Variants in ANKRD18A observed in about 807,000 individuals in gnomAD.
ANKRD18A encodes ankyrin repeat domain 18A, also known as ankyrin repeat domain-containing protein 18A.
ANKRD18A carries 72 observed loss-of-function variants against 110.6 expected under a neutral mutation model. The ratio of observed to expected loss-of-function variants is 0.65; its 90% confidence interval spans 0.54 to 0.79. The LOEUF (loss-of-function observed/expected upper bound fraction) is 0.79. Among genes scored for constraint, ANKRD18A ranks in the 30% least tolerant of loss-of-function variants. The probability of loss-of-function intolerance (pLI) is 0.00; values close to 1 mark genes in which losing one functional copy is unlikely to be tolerated. For missense variants in ANKRD18A, 934 were observed against 1,163.3 expected, an observed-to-expected ratio of 0.80 and a Z score of 2.87; for synonymous variants, 305 against 410.3, an observed-to-expected ratio of 0.74 and a Z score of 3.10.
chr9:38,589,962 A>G (rs1563962438), intron 10 of ANKRD18A, among the ~76,000 whole-genome samples: 1 of 152,180 alleles, frequency 6.6e-6, no homozygotes. Context: ...ATTATAGACA[A>G]TATTCTCAAC....
chr9:38,579,350 C>T lies in ANKRD18A; in HGVS notation c.2248-1202G>A, dbSNP rs192526796. On this transcript the variant is annotated intron_variant, in intron 12 of 15. Coordinates refer to ENST00000399703, the MANE Select transcript of ANKRD18A (RefSeq NM_147195.4). The stretch of plus-strand genomic sequence containing the variant: ...AAATGATAGACAAATGGTACTACAA[C>T]TGAGTGAAGAGAAAACCTGTAGAAT... Among the ~76,000 whole-genome samples the T allele has an allele frequency of 9.6e-3, 1,463 of 152,208 alleles. 18 individuals carry two copies. The highest frequency in any genetic ancestry group is 0.024 in the Middle Eastern group (7 of 294).
downstream of ANKRD18A, among the ~76,000 whole-genome samples, chr9:38,570,690 C>T (rs574701604): frequency 2.6e-5 from 4 of 152,248 alleles, no homozygotes; most frequent in Non-Finnish European, 5.9e-5. Flanking sequence ...ACAATGCCAC[C>T]ATCAGCTCAC....
chr9:38,615,640 G>T lies in ANKRD18A; in HGVS notation c.449C>A (p.Ala150Glu). The T allele has an allele frequency of 6.2e-7, 1 of 1,610,798 alleles. No homozygotes were observed. Among genetic ancestry groups the T allele is most frequent in the Non-Finnish European group, 8.5e-7 (1 of 1,179,240 alleles). Residue 150 changes from alanine (A) to glutamate (E), a missense_variant, in exon 3 of 16, where the codon GCA (alanine) becomes GAA (glutamate). Physicochemically the swap from Ala to Glu is moderately radical, Grantham distance 107. Coordinates refer to ENST00000399703, the MANE Select transcript of ANKRD18A (RefSeq NM_147195.4). ...TGCATGGTGGGAAAGCAGTCTTTCTGCCAGTGAAGTCCCCTTATTATACAC... is the reference window on the plus strand; with the variant it reads ...TGCATGGTGGGAAAGCAGTCTTTCTTCCAGTGAAGTCCCCTTATTATACAC... ...YAVYNKGTSL[A>E]ERLLSHHANI...
chr9:38,596,509 C>T (rs1437873705), intron 8 of ANKRD18A, 106 bp from the exon 9 acceptor site: 7 of 1,028,142 alleles, frequency 6.8e-6, no homozygotes, highest in East Asian at 3.0e-5. Flanking sequence ...TTAAAAGTTG[C>T]TGTAAGTGGA....
chr9:38,614,588 C>T (rs894729817), intron 3 of ANKRD18A, among the ~76,000 whole-genome samples: 1 of 152,218 alleles, frequency 6.6e-6, no homozygotes, highest in Non-Finnish European at 1.5e-5. Flanking sequence ...CTGAGAATTA[C>T]TGCAGCAGAC....
intron 1 of ANKRD18A, among the ~76,000 whole-genome samples, chr9:38,619,461 A>G (rs1825995321): frequency 6.6e-6 from 1 of 152,210 alleles, no homozygotes. Context: ...AATTGTGGGA[A>G]TTAATAGCAC....
intron 10 of ANKRD18A, among the ~76,000 whole-genome samples, chr9:38,591,206 G>A (rs902555587): frequency 2.8e-4 from 43 of 151,122 alleles, no homozygotes; most frequent in African/African-American, 9.0e-4. Flanking sequence ...CTGGGCTCAA[G>A]CACTGTTCTT....
At chr9:38,575,906 T>C (rs955864822) in intron 14 of ANKRD18A, among the ~76,000 whole-genome samples, 1 of 152,218 alleles carries the variant, frequency 6.6e-6, no homozygotes, top group African/African-American at 2.4e-5. Flanking sequence ...TCTAAGGTGA[T>C]TTCTACTGAA....
chr9:38,598,143 T>G (rs1048116805), intron 8 of ANKRD18A, among the ~76,000 whole-genome samples: 2 of 152,180 alleles, frequency 1.3e-5, no homozygotes, highest in Non-Finnish European at 2.9e-5. Flanking sequence ...ATTGCTTTCC[T>G]CCCACTGTCT....
At chr9:38,574,717 T>C (rs1287325615) in intron 15 of ANKRD18A, among the ~76,000 whole-genome samples, 4 of 152,214 alleles carry the variant, frequency 2.6e-5, no homozygotes, top group Non-Finnish European at 5.9e-5. Flanking sequence ...AAATAATAAA[T>C]ATCTATATGT....
intron 12 of ANKRD18A, among the ~76,000 whole-genome samples, chr9:38,578,825 G>C (rs1404560220): frequency 1.3e-5 from 2 of 152,148 alleles, no homozygotes; most frequent in Admixed American, 1.3e-4. Context: ...CAGGGCTGCC[G>C]TGAATTATGA....
intron 15 of ANKRD18A, 141 bp from the exon 16 acceptor site, chr9:38,572,200 C>CT (rs903931927): frequency 6.1e-5 from 34 of 553,288 alleles, no homozygotes; most frequent in Non-Finnish European, 8.8e-5. Context: ...TACAAAATTA[C>CT]TATTAAATCA....
intron 8 of ANKRD18A, among the ~76,000 whole-genome samples, chr9:38,597,008 T>C (rs578117303): frequency 6.6e-6 from 1 of 152,254 alleles, no homozygotes; most frequent in East Asian, 1.9e-4. Context: ...AAAAGACAGG[T>C]TAAAAATATA....
At position 38,610,926 on chromosome 9, in the gene ANKRD18A, T is replaced by C. The variant is rs556783405; in HGVS notation, c.602+289A>G. Among the ~76,000 whole-genome samples, 17 of 151,290 alleles carry C rather than the reference T, an allele frequency of 1.1e-4. No homozygotes were observed. The East Asian group carries it at 2.3e-3, about 21-fold the overall frequency. On this transcript the variant is annotated intron_variant, in intron 4 of 15. Transcript: ENST00000399703. The stretch of plus-strand genomic sequence containing the variant: ...ACTGAAAGTTAAAGTCTACACTTCA[T>C]AAAATTAATAAAATACAAACCCCCT...
chr9:38,617,311 G>C (rs373639230), intron 1 of ANKRD18A, among the ~76,000 whole-genome samples: 24 of 152,012 alleles, frequency 1.6e-4, no homozygotes, highest in African/African-American at 5.6e-4. Flanking sequence ...GCGGTGGCAG[G>C]CACCTGTAAT....
rs1435428038 is a variant in ANKRD18A, at chr9:38,596,040, T to C, written c.1300A>G (p.Asn434Asp). The C allele has an allele frequency of 2.6e-6, 4 of 1,550,728 alleles. No individual in the cohort carries two copies. The highest frequency in any genetic ancestry group is 2.6e-6 in the Non-Finnish European group (3 of 1,146,582). ...AGGTCTTTTCTTTCCACAATTTCAT[T>C]GTACTCATTTATAGCAGTGGCCAGG... ...SSLATAINEY[N>D]EIVERKDLEL... The change falls in exon 9 of 16, where the codon AAT (asparagine) becomes GAT (aspartate). Residue 434 changes from asparagine (N) to aspartate (D), a missense_variant. Asn to Asp is a conservative substitution (Grantham distance 23). Transcript: ENST00000399703.
chr9:38,613,464 G>A (rs185933254), intron 3 of ANKRD18A, among the ~76,000 whole-genome samples: 2,406 of 151,932 alleles, frequency 0.016, 55 homozygotes, highest in African/African-American at 0.051. Flanking sequence ...GTCTAGTATC[G>A]TATGTTTAAT....
At chr9:38,588,263 T>A (rs1205426294) in intron 11 of ANKRD18A, among the ~76,000 whole-genome samples, 1 of 152,210 alleles carries the variant, frequency 6.6e-6, no homozygotes, top group African/African-American at 2.4e-5. Context: ...CATTGGACTC[T>A]ATGACACATG....
chr9:38,573,793 A>C (rs1171341408), intron 15 of ANKRD18A, among the ~76,000 whole-genome samples: 1 of 152,248 alleles, frequency 6.6e-6, no homozygotes, highest in African/African-American at 2.4e-5. Context: ...AATTCTTAGC[A>C]AAACTCTGTC....
Sources: allele counts gnomAD v4.1 joint callset (sites outside exome capture counted in the v4.1 genomes callset), GRCh38; gene constraint gnomAD v4.1.1; transcripts MANE v1.5; gene names NCBI Gene and HGNC (gene_info 2026-07-23, HGNC 2026-07-21).